Variants in C4orf51 observed in about 807,000 individuals in gnomAD.
C4orf51 encodes the protein chromosome 4 open reading frame 51.
C4orf51 carries 25 observed loss-of-function variants against 25.2 expected under a neutral mutation model. That is an observed-to-expected ratio of 0.99 (90% confidence interval 0.72 to 1.39). The LOEUF (loss-of-function observed/expected upper bound fraction) is 1.39, where lower values mean the gene tolerates loss of function less well. Ranked by LOEUF, C4orf51 falls within the 40% of genes most tolerant of loss-of-function variation. The probability of loss-of-function intolerance (pLI) is 0.00; values close to 1 mark genes in which losing one functional copy is unlikely to be tolerated. For missense variants in C4orf51, 252 were observed against 239.6 expected (o/e 1.05, Z -0.34); for synonymous variants, 100 against 84.5 (o/e 1.18, Z -1.01).
chr4:145,718,753 AC>A (rs1731555109), intron 2 of C4orf51, among the ~76,000 whole-genome samples: 1 of 152,122 alleles, frequency 6.6e-6, no homozygotes. Flanking sequence ...ACCTTCTCCC[AC>A]CTTTGCTCAT....
chr4:145,764,811 G>C, intron 1 of C4orf51: 1 of 780,750 alleles, frequency 1.3e-6, no homozygotes, highest in Non-Finnish European at 2.1e-6. Flanking sequence ...TGACACCCTA[G>C]GGGGACAGGT....
chr4:145,737,827 C>T (rs753689114), intron 1 of C4orf51, among the ~76,000 whole-genome samples: 25 of 152,180 alleles, frequency 1.6e-4, no homozygotes, highest in Non-Finnish European at 3.4e-4. Flanking sequence ...CCTCAATGCT[C>T]TGGAGTTTTG....
intron 2 of C4orf51, among the ~76,000 whole-genome samples, chr4:145,722,914 G>C (rs1268818431): frequency 6.6e-6 from 1 of 152,162 alleles, no homozygotes. Flanking sequence ...TCTAATGCCT[G>C]ATGATCTGTC....
intron 2 of C4orf51, among the ~76,000 whole-genome samples, chr4:145,724,773 A>G (rs951739684): frequency 2.7e-5 from 4 of 149,838 alleles, no homozygotes; most frequent in African/African-American, 9.9e-5. Context: ...AGTCCCAGCT[A>G]CTTGAGAGGC....
chr4:145,689,145 T>C (rs1729368861), intron 1 of C4orf51, among the ~76,000 whole-genome samples: 1 of 152,044 alleles, frequency 6.6e-6, no homozygotes, highest in Non-Finnish European at 1.5e-5. Flanking sequence ...AATAACAAAG[T>C]GTAAAAGGCA....
At chr4:145,735,796 G>T (rs1732773134), downstream of C4orf51, among the ~76,000 whole-genome samples, 1 of 152,050 alleles carries the variant, frequency 6.6e-6, no homozygotes, top group African/African-American at 2.4e-5. Flanking sequence ...TGCTTAACTT[G>T]TTCCTTAAAG....
chr4:145,734,677 A>G (rs1273508306), downstream of C4orf51, among the ~76,000 whole-genome samples: 1 of 152,200 alleles, frequency 6.6e-6, no homozygotes, highest in African/African-American at 2.4e-5. Context: ...ACAAAAGCAA[A>G]GTAATAACAA....
At position 145,765,056 on chromosome 4, in the gene C4orf51, C is replaced by T; in HGVS notation, n.167-5932C>T. On this transcript the variant is annotated intron_variant and non_coding_transcript_variant, in intron 1 of 1. Coordinates refer to the C4orf51 transcript ENST00000510096. The surrounding 1 kb of genome is among the most constrained non-coding windows in gnomAD (Gnocchi z 4.7). ...GCAGCTGTTCGGGGGTCTTCATGAA[C>T]TTGTGGCACACATCACACTCAAACA... 1 of 1,614,212 alleles carries T rather than the reference C, an allele frequency of 6.2e-7. No homozygotes were observed.
chr4:145,748,916 T>C (rs959389867), intron 1 of C4orf51, among the ~76,000 whole-genome samples: 7 of 152,036 alleles, frequency 4.6e-5, no homozygotes, highest in African/African-American at 1.7e-4. Flanking sequence ...GTTCAATGTT[T>C]AGTTGTTAAT....
rs1455848538 is a variant in C4orf51 at position 145,762,088 on chromosome 4, G to A, written n.167-8900G>A. Among the ~76,000 whole-genome samples the A allele has an allele frequency of 6.6e-6, 1 of 152,134 alleles. No individual in the cohort carries two copies. Among genetic ancestry groups the A allele is most frequent in the Admixed American group, 6.5e-5 (1 of 15,274 alleles). ...AGAGGTTTTAAAGAACAGCTTATAG[G>A]GGGAGCGCTACCTCCAGCAAACAGA... On this transcript the variant is annotated intron_variant and non_coding_transcript_variant, in intron 1 of 1. Transcript: ENST00000510096. The surrounding 1 kb of genome is among the most constrained non-coding windows in gnomAD (Gnocchi z 4.9).
At chr4:145,764,412 T>G (rs1734970033) in intron 1 of C4orf51, among the ~76,000 whole-genome samples, 1 of 152,202 alleles carries the variant, frequency 6.6e-6, no homozygotes, top group South Asian at 2.1e-4. Flanking sequence ...CCAAAGGGCC[T>G]CTTGAAAATA....
chr4:145,685,407 TA>T (rs1729086793), intron 1 of C4orf51, among the ~76,000 whole-genome samples: 1 of 152,170 alleles, frequency 6.6e-6, no homozygotes, highest in South Asian at 2.1e-4. Flanking sequence ...GGAAGGGGTT[TA>T]TTCGGCTAGG....
intron 5 of C4orf51, among the ~76,000 whole-genome samples, chr4:145,731,729 G>A (rs1732492236): frequency 6.6e-6 from 1 of 151,662 alleles, no homozygotes. Flanking sequence ...TTACAGGTGT[G>A]TGCCACCACA....
At chr4:145,758,261 C>CAAG (rs1274177064), downstream of C4orf51, 1 of 152,146 alleles carries the variant, frequency 6.6e-6, no homozygotes, top group African/African-American at 2.4e-5. Context: ...CATTCAAATA[C>CAAG]AAGTTCAGTG....
At chr4:145,784,271 T>G in the C4orf51 span, among the ~76,000 whole-genome samples, 1 of 152,356 alleles carries the variant, frequency 6.6e-6, no homozygotes, top group East Asian at 1.9e-4. Context: ...TCTCAGTAGC[T>G]GAGTGAACGC....
intron 2 of C4orf51, among the ~76,000 whole-genome samples, chr4:145,719,588 C>CAA (rs57272346): frequency 0.24 from 21,476 of 89,798 alleles, 2,303 homozygotes; most frequent in Middle Eastern, 0.33. Context: ...GACTCTGTCT[C>CAA]AAAAAAAAAA....
chr4:145,735,079 A>G (rs1420865411), downstream of C4orf51, among the ~76,000 whole-genome samples: 1 of 152,052 alleles, frequency 6.6e-6, no homozygotes, highest in African/African-American at 2.4e-5. Context: ...ATAACATGGA[A>G]GTTGCAACGT....
chr4:145,729,140 GTATT>G (rs1732277812), intron 3 of C4orf51, 25 bp from the exon 4 acceptor site: 3 of 1,402,546 alleles, frequency 2.1e-6, no homozygotes, highest in Non-Finnish European at 3.0e-6. Context: ...AAAGTGGTTG[GTATT>G]TATTTCTATC....
At chr4:145,768,858 CAAAAAA>C (rs1174930111) in intron 1 of C4orf51, among the ~76,000 whole-genome samples, 36 of 4,466 alleles carry the variant, frequency 8.1e-3, no homozygotes, top group Admixed American at 0.02. Flanking sequence ...GACTCCGTCT[CAAAAAA>C]AAAAAAAAAA....
Sources: gnomAD v4.1 joint callset for allele counts (sites outside exome capture counted in the v4.1 genomes callset) on GRCh38, gnomAD v4.1.1 for gene constraint, Gnocchi (gnomAD v3.1) non-coding constraint, MANE v1.5 for transcripts, NCBI Gene and HGNC (gene_info 2026-07-23, HGNC 2026-07-21) for gene names.